LGSN: variants seen among roughly 807,000 people sequenced by gnomAD.
LGSN encodes lengsin, lens protein with glutamine synthetase domain.
LGSN carries 21 observed loss-of-function variants against 19.5 expected under a neutral mutation model. The ratio of observed to expected loss-of-function variants is 1.07; its 90% CI spans 0.76 to 1.55. The LOEUF is 1.55. Ranked by LOEUF, LGSN falls within the 40% of genes most tolerant of loss-of-function variation. LGSN has a pLI of 0.00. For synonymous variants in LGSN, 257 were observed against 215.6 expected (o/e 1.19, Z -1.68); for missense variants, 673 against 608.5 (o/e 1.11, Z -1.12).
At chr6:63,310,721 T>A (rs1381102012) in intron 1 of LGSN, among the ~76,000 whole-genome samples, 12 of 152,070 alleles carry the variant, frequency 7.9e-5, no homozygotes, top group Admixed American at 6.6e-5. Flanking sequence ...GAAAAATGAA[T>A]CCCCTTTACA....
the LGSN span, among the ~76,000 whole-genome samples, chr6:63,355,674 C>T: frequency 4.6e-5 from 7 of 152,106 alleles, no homozygotes; most frequent in African/African-American, 1.7e-4. Flanking sequence ...CACTCCAGTA[C>T]TCTGTCTTTT....
the LGSN span, among the ~76,000 whole-genome samples, chr6:63,359,952 G>T: frequency 3.9e-5 from 6 of 152,144 alleles, no homozygotes; most frequent in African/African-American, 9.7e-5. Context: ...GAAATTCTGG[G>T]TTGAAAATTA....
At chr6:63,525,706 C>T in the LGSN span, among the ~76,000 whole-genome samples, 1 of 152,166 alleles carries the variant, frequency 6.6e-6, no homozygotes, top group Admixed American at 6.5e-5. Context: ...TCACCTTTCC[C>T]CCCAGGCCTA....
intron 1 of LGSN, among the ~76,000 whole-genome samples, chr6:63,312,551 T>G (rs979226600): frequency 3.5e-4 from 53 of 152,034 alleles, no homozygotes; most frequent in Non-Finnish European, 4.1e-4. Context: ...CATGTATAAG[T>G]TTTTTTTCTC....
Position 63,279,872 on chromosome 6 carries a change from A to G in LGSN, c.*149T>C. On this transcript the variant is annotated 3_prime_UTR_variant, in exon 4 of 4. Transcript: ENST00000370657. Reference sequence around the variant, plus strand: ...TCTCAGCAGTCCTACTTCATCTGTCAAATATTCCATGGACAAAAAAAAAAG... The same window carrying G: ...TCTCAGCAGTCCTACTTCATCTGTCGAATATTCCATGGACAAAAAAAAAAG... 2.8e-6 allele frequency: 2 copies of G among 724,568 alleles called. No individual in the cohort carries two copies. Among genetic ancestry groups the G allele is most frequent in the Non-Finnish European group, 4.6e-6 (2 of 435,444 alleles). 44.9% of individuals were successfully genotyped at this position (724,568 alleles called of 1,614,324 possible).
the LGSN span, among the ~76,000 whole-genome samples, chr6:63,351,964 A>T: frequency 6.6e-6 from 1 of 152,230 alleles, no homozygotes; most frequent in Non-Finnish European, 1.5e-5. Flanking sequence ...GGATTTTCCA[A>T]TGTATAAAGA....
At chr6:63,550,431 T>C in the LGSN span, 1 of 152,022 alleles carries the variant, frequency 6.6e-6, no homozygotes, top group Non-Finnish European at 1.5e-5. Flanking sequence ...AGGGTGAAGC[T>C]ACAAAAATTG....
the LGSN span, among the ~76,000 whole-genome samples, chr6:63,544,659 T>A: frequency 2.7e-3 from 413 of 152,284 alleles, 1 homozygote; most frequent in African/African-American, 9.5e-3. Context: ...CCTTGACGTT[T>A]CTGATTAGTA....
At chr6:63,463,210 G>C in the LGSN span, among the ~76,000 whole-genome samples, 8 of 152,206 alleles carry the variant, frequency 5.3e-5, no homozygotes, top group Non-Finnish European at 1.2e-4. Context: ...TCATAGAGTT[G>C]TTGTGAGGAT....
At chr6:63,406,499 A>T in the LGSN span, among the ~76,000 whole-genome samples, 1 of 149,574 alleles carries the variant, frequency 6.7e-6, no homozygotes, top group Non-Finnish European at 1.5e-5. Flanking sequence ...GACACAACAT[A>T]CCAGAATCTC....
the LGSN span, among the ~76,000 whole-genome samples, chr6:63,552,406 T>C: frequency 6.6e-6 from 1 of 152,238 alleles, no homozygotes; most frequent in African/African-American, 2.4e-5. Flanking sequence ...GTAAATTTGT[T>C]TGAGTTCTTT....
At chr6:63,416,693 A>C in the LGSN span, among the ~76,000 whole-genome samples, 39 of 151,860 alleles carry the variant, frequency 2.6e-4, no homozygotes, top group Non-Finnish European at 1.6e-4. Context: ...CCAGCCTCCC[A>C]AACAGCTGGG....
chr6:63,388,778 C>T, the LGSN span, among the ~76,000 whole-genome samples: 7 of 152,268 alleles, frequency 4.6e-5, no homozygotes, highest in Non-Finnish European at 1.5e-5. Context: ...TAACTGGCTT[C>T]GAGGGCCATT....
Position 63,280,867 on chromosome 6 carries a change from A to C in LGSN, c.684T>G (p.Ala228=). ...GATCATGGTTATTTAAAAATGTTAA[A>C]GCAGGAAAAGATATAATCTTTGAAT... The part of the protein sequence containing the change: ...ILNSKIISFP[A]LTFLNNHDQP... Residue 228 remains alanine (A), a synonymous_variant, in exon 4 of 4, where the codon GCT becomes GCG. Transcript: ENST00000370657. 6.2e-7 allele frequency: 1 copy of C among 1,614,046 alleles called. No homozygotes were observed. Among genetic ancestry groups the C allele is most frequent in the African/African-American group, 1.3e-5 (1 of 75,040 alleles).
the LGSN span, among the ~76,000 whole-genome samples, chr6:63,338,616 T>G: frequency 5.8e-3 from 881 of 152,264 alleles, 4 homozygotes; most frequent in Middle Eastern, 0.034. Context: ...TAGCTAACAG[T>G]TTATTGATTT....
At chr6:63,480,598 A>T in the LGSN span, 6 of 152,530 alleles carry the variant, frequency 3.9e-5, no homozygotes. Flanking sequence ...TGAGACAGAT[A>T]TGACAAAATT....
the LGSN span, among the ~76,000 whole-genome samples, chr6:63,432,160 A>AGAAG: frequency 1.0e-5 from 1 of 99,996 alleles, no homozygotes; most frequent in Non-Finnish European, 2.0e-5. Flanking sequence ...AAAGAAAGAA[A>AGAAG]GAAAGAAAGA....
the LGSN span, among the ~76,000 whole-genome samples, chr6:63,491,834 C>T: frequency 1.3e-5 from 2 of 152,144 alleles, no homozygotes; most frequent in Non-Finnish European, 2.9e-5. Context: ...AGTTCAAGAC[C>T]AGCCTGGCCA....
chr6:63,470,411 T>C, the LGSN span, among the ~76,000 whole-genome samples: 2 of 151,540 alleles, frequency 1.3e-5, no homozygotes, highest in Non-Finnish European at 2.9e-5. Context: ...GCGGCGGAGG[T>C]TGCAGTGAGC....
Sources: allele counts gnomAD v4.1 joint callset (sites outside exome capture counted in the v4.1 genomes callset), GRCh38; gene constraint gnomAD v4.1.1; transcripts MANE v1.5; gene names NCBI Gene and HGNC (gene_info 2026-07-23, HGNC 2026-07-21).